Variants in GSTM2 observed in about 807,000 individuals in gnomAD.
The protein encoded by GSTM2 is glutathione S-transferase mu 2.
GSTM2 carries 33 observed loss-of-function variants against 33.3 expected under a neutral mutation model. The observed-to-expected ratio is 0.99, with a 90% CI of 0.75 to 1.33. GSTM2 has a LOEUF of 1.33. Among genes scored for constraint, GSTM2 ranks in the 40% most tolerant of loss-of-function variants. The pLI is 0.00. For missense variants in GSTM2, 213 were observed against 265.8 expected (o/e 0.80, Z 1.38); for synonymous variants, 93 against 95.6 (o/e 0.97, Z 0.16).
chr1:109,669,722 T>C (rs1647463353), intron 5 of GSTM2, 151 bp downstream of exon 5: 1 of 610,438 alleles, frequency 1.6e-6, no homozygotes, highest in Non-Finnish European at 3.0e-6. Context: ...CGGTGAGTGT[T>C]ACAGTTCTTA....
downstream of GSTM2, among the ~76,000 whole-genome samples, chr1:109,679,147 TTA>T (rs1647792354): frequency 6.6e-6 from 1 of 151,828 alleles, no homozygotes; most frequent in Admixed American, 6.6e-5. Context: ...CGATTTCATC[TTA>T]TGATTTTTTT....
rs1190337080 is a variant in GSTM2 at position 109,671,372 on chromosome 1, T to A, written c.446T>A (p.Leu149His). The change falls in exon 6 of 8, where the codon CTT becomes CAT. Residue 149 changes from leucine to histidine, a missense_variant. Transcript: ENST00000241337. Reference sequence around the variant, plus strand: ...TTTCTGGGGAAGCAGCCATGGTTTCTTGGGGACAAGGTAATGGGGGCGTGT... The same window carrying A: ...TTTCTGGGGAAGCAGCCATGGTTTCATGGGGACAAGGTAATGGGGGCGTGT... ...SQFLGKQPWF[L>H]GDKITFVDFI... is the part of the protein sequence containing the mutation. 1.2e-6 allele frequency: 2 copies of A among 1,613,468 alleles called. No homozygotes were observed. The highest frequency in any genetic ancestry group is 2.2e-5 in the South Asian group (2 of 91,072).
chr1:109,679,485 G>C (rs1294144682), downstream of GSTM2, among the ~76,000 whole-genome samples: 2 of 151,870 alleles, frequency 1.3e-5, no homozygotes, highest in Non-Finnish European at 2.9e-5. Flanking sequence ...CTCAAAAAAA[G>C]AAAAAAAGAA....
chr1:109,669,701 G>A (rs549472714), intron 5 of GSTM2, 130 bp downstream of exon 5: 4 of 647,766 alleles, frequency 6.2e-6, no homozygotes, highest in African/African-American at 5.4e-5. Flanking sequence ...GAATGAAGCC[G>A]CGGTCCTACA....
intron 7 of GSTM2, chr1:109,673,572 G>T (rs569217953): frequency 1.7e-4 from 56 of 324,974 alleles, no homozygotes; most frequent in African/African-American, 9.9e-4. Flanking sequence ...GGTAAGAGGT[G>T]GTGGGAAGGG....
chr1:109,670,088 C>CGGAAGTGGGGAGGGGAGG, intron 5 of GSTM2: 2 of 3,694 alleles, frequency 5.4e-4, no homozygotes, highest in South Asian at 0.015. Context: ...TTGGGAAGGG[C>CGGAAGTGGGGAGGGGAGG]GGAGGTGGGG....
At chr1:109,671,706 G>T in intron 7 of GSTM2, 123 bp downstream of exon 7, 1 of 734,634 alleles carries the variant, frequency 1.4e-6, no homozygotes, top group Non-Finnish European at 2.5e-6. Flanking sequence ...GGTGGCTCAC[G>T]CCTGTAATCT....
chr1:109,668,197 G>A, intron 1 of GSTM2, 46 bp downstream of exon 1: 1 of 1,555,576 alleles, frequency 6.4e-7, no homozygotes, highest in Non-Finnish European at 8.8e-7. Flanking sequence ...GCGTGGGGGC[G>A]GGGAAGTGTG....
chr1:109,668,561 A>AAGCAACT, intron 2 of GSTM2, 61 bp downstream of exon 2: 1 of 1,573,228 alleles, frequency 6.4e-7, no homozygotes, highest in Non-Finnish European at 8.8e-7. Flanking sequence ...CAAGCAACCG[A>AAGCAACT]TAGTGGCCAC....
rs1647454725 is a variant in GSTM2 at position 109,669,527 on chromosome 1, G to A, written c.316G>A (p.Asp106Asn). 6.2e-7 allele frequency: 1 copy of A among 1,613,738 alleles called. No homozygotes were observed. Among genetic ancestry groups the A allele is most frequent in the Admixed American group, 1.7e-5 (1 of 59,990 alleles). The change falls in exon 5 of 8, where the codon GAC becomes AAC. Residue 106 changes from aspartate to asparagine, a missense_variant. By Grantham distance (23) the Asp-to-Asn change is conservative. Coordinates refer to ENST00000241337, the MANE Select transcript of GSTM2 (RefSeq NM_000848.4). The stretch of plus-strand genomic sequence containing the variant: ...AGACATTTTGGAGAACCAGTTTATG[G>A]ACAGCCGTATGCAGCTGGCCAAACT... The part of the protein sequence containing the change: ...REDILENQFM[D>N]SRMQLAKLCY...
At chr1:109,671,161 C>T in intron 5 of GSTM2, 126 bp from the exon 6 acceptor site, 1 of 713,172 alleles carries the variant, frequency 1.4e-6, no homozygotes, top group Non-Finnish European at 2.6e-6. Context: ...GGACAGTGAC[C>T]CAGTTCCAGC....
intron 7 of GSTM2, among the ~76,000 whole-genome samples, chr1:109,672,293 GAAGAA>G (rs1024404177): frequency 6.6e-6 from 1 of 151,688 alleles, no homozygotes; most frequent in African/African-American, 2.4e-5. Flanking sequence ...ACAAAAAAAA[GAAGAA>G]AAGAATAACT....
chr1:109,676,406 T>C (rs114351980), downstream of GSTM2, among the ~76,000 whole-genome samples: 6,743 of 152,200 alleles, frequency 0.044, 256 homozygotes, highest in African/African-American at 0.095. Context: ...GGCTGGAGTG[T>C]GGTGGTGTGA....
chr1:109,669,702 C>T (rs978578993), intron 5 of GSTM2, 131 bp downstream of exon 5: 23 of 632,856 alleles, frequency 3.6e-5, no homozygotes, highest in Non-Finnish European at 5.4e-5. Context: ...AATGAAGCCG[C>T]GGTCCTACAC....
At chr1:109,676,763 C>T (rs1647715277), downstream of GSTM2, among the ~76,000 whole-genome samples, 2 of 152,174 alleles carry the variant, frequency 1.3e-5, no homozygotes, top group African/African-American at 4.8e-5. Flanking sequence ...CTTGCAGGAA[C>T]ATGCTAAGCA....
rs1647528091 is a variant in GSTM2 at position 109,671,118 on chromosome 1, T to A, written c.361-169T>A. ...AAAGACTCCAGCTACCCAGTTGGAGTCTAATAAATGCTGATGTATCCAGCT... is the reference window on the plus strand; with the variant it reads ...AAAGACTCCAGCTACCCAGTTGGAGACTAATAAATGCTGATGTATCCAGCT... On this transcript the variant is annotated intron_variant, in intron 5 of 7. Transcript: ENST00000241337. 3 of 613,182 alleles carry A rather than the reference T, an allele frequency of 4.9e-6. No individual in the cohort carries two copies. In the South Asian group the frequency reaches 6.0e-5, roughly 12 times the overall value. 38.0% of individuals were successfully genotyped at this position (613,182 alleles called of 1,614,324 possible).
chr1:109,681,506 CATTT>C lies in GSTM2; in HGVS notation c.567+9929_567+9932del, dbSNP rs1431550150. On this transcript the variant is annotated intron_variant, in intron 7 of 7. Coordinates refer to the GSTM2 transcript ENST00000369831. ...TGTAGTTAATTCCTTTTTGATGGAACATTTATTTAAGTTAATAATATAAGTATCA... is the reference window on the plus strand; with the variant it reads ...TGTAGTTAATTCCTTTTTGATGGAACATTTAAGTTAATAATATAAGTATCA... Among the ~76,000 whole-genome samples the C allele has an allele frequency of 1.4e-4, 21 of 146,284 alleles. 2 individuals carry two copies. The highest frequency in any genetic ancestry group is 1.9e-4 in the Non-Finnish European group (13 of 66,820).
chr1:109,669,494 A>G lies in GSTM2; in HGVS notation c.283A>G (p.Ile95Val), dbSNP rs541909002. The change falls in exon 5 of 8, where the codon ATT becomes GTT. Residue 95 changes from isoleucine to valine, a missense_variant. By Grantham distance (29) the Ile-to-Val change is conservative. Transcript: ENST00000241337. Reference protein sequence around the residue: ...NLCGESEKEQIREDILENQFM... With the variant: ...NLCGESEKEQVREDILENQFM... Reference sequence around the variant, plus strand: ...AGGCGGGGAATCAGAAAAGGAGCAGATTCGCGAAGACATTTTGGAGAACCA... The same window carrying G: ...AGGCGGGGAATCAGAAAAGGAGCAGGTTCGCGAAGACATTTTGGAGAACCA... The G allele has an allele frequency of 6.2e-7, 1 of 1,614,012 alleles. No individual in the cohort carries two copies. Among genetic ancestry groups the G allele is most frequent in the East Asian group, 2.2e-5 (1 of 44,860 alleles).
intron 7 of GSTM2, chr1:109,673,502 G>C: frequency 2.1e-6 from 1 of 477,548 alleles, no homozygotes; most frequent in Non-Finnish European, 3.8e-6. Context: ...TGCTTGCTCA[G>C]CTAGTTCCCA....
Sources: gnomAD v4.1 joint callset for allele counts (sites outside exome capture counted in the v4.1 genomes callset) on GRCh38, gnomAD v4.1.1 for gene constraint, MANE v1.5 for transcripts, NCBI Gene and HGNC (gene_info 2026-07-23, HGNC 2026-07-21) for gene names.